TNN: variants seen among roughly 807,000 people sequenced by gnomAD.
The protein encoded by TNN is tenascin N, also known as tenascin-N.
TNN carries 122 observed loss-of-function variants against 134.4 expected under a neutral mutation model. The ratio of observed to expected loss-of-function variants is 0.91; its 90% confidence interval spans 0.78 to 1.06. The LOEUF (loss-of-function observed/expected upper bound fraction) is 1.06. TNN is among the 50% of genes least tolerant of loss of function. The probability of loss-of-function intolerance (pLI) is 0.00; values close to 1 mark genes in which losing one functional copy is unlikely to be tolerated. For missense variants in TNN, 1,739 were observed against 1,699.4 expected (o/e 1.02, Z -0.41); for synonymous variants, 710 against 670.3 (o/e 1.06, Z -0.91).
intron 5 of TNN, 85 bp downstream of exon 5, chr1:175,084,020 T>A (rs1674268337): frequency 7.4e-7 from 1 of 1,354,942 alleles, no homozygotes; most frequent in South Asian, 1.3e-5. Context: ...GCATCTGCAC[T>A]GCTCAAGTGT....
intron 15 of TNN, among the ~76,000 whole-genome samples, chr1:175,132,656 T>C (rs967229828): frequency 1.3e-5 from 2 of 152,256 alleles, no homozygotes; most frequent in Admixed American, 1.3e-4. Flanking sequence ...TTCTCTTCCC[T>C]TCCATTCCTG....
At position 175,126,820 on chromosome 1, in the gene TNN, G is replaced by C. The variant is rs372373036; in HGVS notation, c.2915-135G>C. The C allele has an allele frequency of 9.6e-5, 89 of 923,308 alleles. 1 individual carries two copies. The South Asian group carries it at 1.5e-3, about 15-fold the overall frequency. The allele number at this position is 923,308 out of a possible 1,614,324, so 57.2% of individuals were successfully genotyped here. A position where few individuals can be genotyped will look rare whatever the true frequency, so the allele number is the denominator to read the frequency against. Reference sequence around the variant, plus strand: ...AAAGGCCCTGTGGCAGGGAGGAAGAGAGCCTGCAAACTGCTTGAAAGAAGG... The same window carrying C: ...AAAGGCCCTGTGGCAGGGAGGAAGACAGCCTGCAAACTGCTTGAAAGAAGG... On this transcript the variant is annotated intron_variant, in intron 12 of 18. Coordinates refer to ENST00000239462, the MANE Select transcript of TNN (RefSeq NM_022093.2).
At chr1:175,123,318 G>A in intron 11 of TNN, 82 bp from the exon 12 acceptor site, 1 of 1,461,926 alleles carries the variant, frequency 6.8e-7, no homozygotes, top group Non-Finnish European at 9.4e-7. Context: ...TAACATGATG[G>A]AGAGCTCCTG....
In TNN at chr1:175,118,769, G is replaced by A. The variant is rs771716198; in HGVS notation, c.2595G>A (p.Val865=). Residue 865 remains valine, a synonymous_variant, in exon 11 of 19, where the codon GTG becomes GTA. Transcript: ENST00000239462. The stretch of plus-strand genomic sequence containing the variant: ...CGGGCATGGAGTACACGGTGCACGT[G>A]TGGGCCCAGAAGGGGAACCAGGAGA... ...LRPGMEYTVH[V]WAQKGNQESK... is the part of the protein sequence containing the mutation. The A allele has an allele frequency of 6.2e-6, 10 of 1,614,122 alleles. No homozygotes were observed. The highest frequency in any genetic ancestry group is 8.5e-6 in the Non-Finnish European group (10 of 1,180,058).
Position 175,147,246 on chromosome 1 carries a change from A to AT in TNN, c.*176dup. 1.8e-6 allele frequency: 1 copy of AT among 563,464 alleles called. No homozygotes were observed. Among genetic ancestry groups the AT allele is most frequent in the Non-Finnish European group, 2.8e-6 (1 of 354,762 alleles). 34.9% of individuals were successfully genotyped at this position (563,464 alleles called of 1,614,324 possible). On this transcript the variant is annotated 3_prime_UTR_variant, in exon 19 of 19. Coordinates refer to ENST00000239462, the MANE Select transcript of TNN (RefSeq NM_022093.2). ...CTCACCTGCATTTTTGCCCGTCTTT[A>AT]TGAGGGTCTTGAAAATCAAAATAGT...
intron 4 of TNN, among the ~76,000 whole-genome samples, chr1:175,080,818 G>T (rs1440796135): frequency 6.6e-6 from 1 of 152,270 alleles, no homozygotes; most frequent in Non-Finnish European, 1.5e-5. Context: ...CATCTTCGTG[G>T]GAAAGACAGG....
In TNN at chr1:175,118,577, A is replaced by G. The variant is rs1675251489; in HGVS notation, c.2403A>G (p.Gln801=). ...TKAQTDIDSP[Q]NLVTDWVTEN... ...TTTTTTCAGACATTGACAGCCCCCAAAACCTGGTCACTGACTGGGTGACAG... is the reference window on the plus strand; with the variant it reads ...TTTTTTCAGACATTGACAGCCCCCAGAACCTGGTCACTGACTGGGTGACAG... The change falls in exon 11 of 19, where the codon CAA becomes CAG. Residue 801 remains glutamine (Q), a synonymous_variant. Transcript: ENST00000239462. 1 of 1,613,970 alleles carries G rather than the reference A, an allele frequency of 6.2e-7. No homozygotes were observed. Among genetic ancestry groups the G allele is most frequent in the Admixed American group, 1.7e-5 (1 of 59,984 alleles).
chr1:175,132,648 C>T (rs992592966), intron 15 of TNN, among the ~76,000 whole-genome samples: 23 of 152,328 alleles, frequency 1.5e-4, no homozygotes, highest in Middle Eastern at 3.4e-3. Flanking sequence ...GTAGGCTCTT[C>T]TCTTCCCTTC....
At chr1:175,138,859 G>T (rs1049163929) in intron 17 of TNN, among the ~76,000 whole-genome samples, 3 of 152,190 alleles carry the variant, frequency 2.0e-5, no homozygotes, top group Admixed American at 6.5e-5. Context: ...ATAGACCAAG[G>T]TATATGGTGT....
intron 12 of TNN, among the ~76,000 whole-genome samples, chr1:175,125,242 G>A (rs1675476962): frequency 6.6e-6 from 1 of 152,144 alleles, no homozygotes; most frequent in Admixed American, 6.5e-5. Flanking sequence ...TCAGCTCTCA[G>A]CTGAAATGCT....
rs1674832666 is a variant in TNN, at chr1:175,105,712, CT to C, written c.2119+7122del. 1.4e-5 allele frequency among the ~76,000 whole-genome samples: 2 copies of C among 145,632 alleles called. 1 individual carries two copies. Among genetic ancestry groups the C allele is most frequent in the Non-Finnish European group, 3.0e-5 (2 of 65,656 alleles). On this transcript the variant is annotated intron_variant, in intron 9 of 18. Coordinates refer to ENST00000239462, the MANE Select transcript of TNN (RefSeq NM_022093.2). ...TAGTGCAGGAAAAAATGAGCCTCCT[CT>C]TTTTCAGGGTTTGTGGGTCAAATTG...
rs1674517608 is a variant in TNN at position 175,094,255 on chromosome 1, T to G, written c.1588+2T>G. The stretch of plus-strand genomic sequence containing the variant: ...AAGCTGACACCAATGCCCTCACAGG[T>G]AACAGAAGGACGGGAGCATAAATAG... On this transcript the variant is annotated splice_donor_variant, in intron 7 of 18. Coordinates refer to ENST00000239462, the MANE Select transcript of TNN (RefSeq NM_022093.2). LOFTEE classifies it high-confidence loss of function. 1 of 1,578,116 alleles carries G rather than the reference T, an allele frequency of 6.3e-7. No homozygotes were observed.
At chr1:175,096,035 C>T (rs180881775) in intron 7 of TNN, among the ~76,000 whole-genome samples, 4 of 152,316 alleles carry the variant, frequency 2.6e-5, no homozygotes, top group Admixed American at 1.3e-4. Context: ...AAGTGATTCA[C>T]GCCTGTATGG....
intron 9 of TNN, among the ~76,000 whole-genome samples, chr1:175,099,032 G>A (rs576242767): frequency 1.3e-5 from 2 of 152,356 alleles, no homozygotes; most frequent in East Asian, 3.9e-4. Context: ...GTTTTAGGCA[G>A]AAATAATAAC....
intron 2 of TNN, among the ~76,000 whole-genome samples, chr1:175,078,233 G>T (rs1366710503): frequency 6.6e-6 from 1 of 152,052 alleles, no homozygotes; most frequent in Non-Finnish European, 1.5e-5. Context: ...TGTGACTTTG[G>T]GTAAATCCCT....
intron 12 of TNN, 37 bp from the exon 13 acceptor site, chr1:175,126,918 T>G (rs57556482): frequency 1.3e-6 from 2 of 1,584,562 alleles, no homozygotes; most frequent in Admixed American, 1.8e-5. Flanking sequence ...CTCAGTTGTA[T>G]CTTAGTAATA....
At chr1:175,115,185 C>T (rs1232456915) in intron 9 of TNN, among the ~76,000 whole-genome samples, 1 of 152,120 alleles carries the variant, frequency 6.6e-6, no homozygotes, top group Non-Finnish European at 1.5e-5. Context: ...TGCAGCTGCT[C>T]AGCTTGGTTG....
intron 3 of TNN, 134 bp from the exon 4 acceptor site, chr1:175,080,029 C>T: frequency 1.7e-6 from 2 of 1,206,702 alleles, no homozygotes; most frequent in East Asian, 2.4e-5. Context: ...ATAATAACTT[C>T]TAGGGGTCGG....
chr1:175,111,278 A>G (rs1675017377), intron 9 of TNN, among the ~76,000 whole-genome samples: 1 of 152,158 alleles, frequency 6.6e-6, no homozygotes, highest in East Asian at 1.9e-4. Context: ...AGATCACACC[A>G]TTGCACTCCA....
Sources: gnomAD v4.1 joint callset for allele counts (sites outside exome capture counted in the v4.1 genomes callset) on GRCh38, gnomAD v4.1.1 for gene constraint, MANE v1.5 for transcripts, NCBI Gene and HGNC (gene_info 2026-07-23, HGNC 2026-07-21) for gene names.